CACNA2D3: variants seen among roughly 807,000 people sequenced by gnomAD.
CACNA2D3 encodes the protein calcium voltage-gated channel auxiliary subunit alpha2delta 3.
In CACNA2D3, 60 loss-of-function variants were observed where a neutral mutation model predicts 160.6. The observed-to-expected ratio is 0.37, with a 90% CI of 0.30 to 0.46. The LOEUF (loss-of-function observed/expected upper bound fraction) is 0.46. Among genes scored for constraint, CACNA2D3 ranks in the 20% least tolerant of loss-of-function variants. The pLI is 1.00. For synonymous variants in CACNA2D3, 558 were observed against 492.9 expected, an observed-to-expected ratio of 1.13 and a Z score of -1.75; for missense variants, 1,205 against 1,365.0, an observed-to-expected ratio of 0.88 and a Z score of 1.85.
At position 55,050,431 on chromosome 3, in the gene CACNA2D3, C is replaced by G. The variant is rs986607975; in HGVS notation, c.2988-23014C>G. 1.6e-3 allele frequency among the ~76,000 whole-genome samples: 239 copies of G among 151,136 alleles called. 2 individuals are homozygous for G. Among genetic ancestry groups the G allele is most frequent in the African/African-American group, 5.6e-3 (232 of 41,162 alleles). ...TTCTTTAAGAATGTTGAATATTGGC[C>G]CCCACTCTCTTCTGGCTTGTAGAGT... On this transcript the variant is annotated intron_variant, in intron 35 of 37. Transcript: ENST00000474759.
At chr3:55,046,212 T>G (rs1305830838) in intron 35 of CACNA2D3, among the ~76,000 whole-genome samples, 1 of 146,552 alleles carries the variant, frequency 6.8e-6, no homozygotes, top group Non-Finnish European at 1.5e-5. Context: ...TAACTCGTCA[T>G]CTAGCATTAG....
At chr3:54,630,806 A>T (rs1339280377) in intron 10 of CACNA2D3, among the ~76,000 whole-genome samples, 1 of 152,158 alleles carries the variant, frequency 6.6e-6, no homozygotes, top group East Asian at 1.9e-4. Context: ...AAAACCCTCC[A>T]TACCCCTGTA....
At chr3:54,234,494 A>G (rs1701837384) in intron 2 of CACNA2D3, among the ~76,000 whole-genome samples, 1 of 152,210 alleles carries the variant, frequency 6.6e-6, no homozygotes, top group African/African-American at 2.4e-5. Context: ...TGACCCAGCA[A>G]TCCCATTTAC....
At chr3:54,692,977 A>G (rs1475393247) in intron 11 of CACNA2D3, among the ~76,000 whole-genome samples, 1 of 152,074 alleles carries the variant, frequency 6.6e-6, no homozygotes, top group Non-Finnish European at 1.5e-5. Flanking sequence ...TGGGGATTTA[A>G]GAGTTGGATA....
At chr3:54,462,336 A>C (rs548381384) in intron 4 of CACNA2D3, among the ~76,000 whole-genome samples, 1 of 151,932 alleles carries the variant, frequency 6.6e-6, no homozygotes, top group East Asian at 1.9e-4. Context: ...TATCCTTGTT[A>C]ACTTTGTCTC....
intron 13 of CACNA2D3, among the ~76,000 whole-genome samples, chr3:54,797,229 T>A (rs557480963): frequency 4.9e-4 from 74 of 152,360 alleles, no homozygotes; most frequent in African/African-American, 1.6e-3. Flanking sequence ...CAGGGTTGTC[T>A]TTCTTCCCCT....
intron 26 of CACNA2D3, 37 bp from the exon 27 acceptor site, chr3:54,899,751 A>G (rs1235551225): frequency 7.1e-7 from 1 of 1,408,528 alleles, no homozygotes; most frequent in Non-Finnish European, 9.9e-7. Flanking sequence ...CACTGTAATT[A>G]TCTTCATTTT....
At chr3:54,804,828 G>T (rs1230658620) in intron 13 of CACNA2D3, among the ~76,000 whole-genome samples, 2 of 152,154 alleles carry the variant, frequency 1.3e-5, no homozygotes, top group African/African-American at 4.8e-5. Context: ...AAATGTAAAA[G>T]AACAGAAATT....
intron 9 of CACNA2D3, among the ~76,000 whole-genome samples, chr3:54,625,779 A>T (rs573848160): frequency 6.6e-6 from 1 of 152,274 alleles, no homozygotes; most frequent in African/African-American, 2.4e-5. Flanking sequence ...GGGGGCTCCT[A>T]CTGCTTCTGA....
At chr3:54,518,310 TA>T (rs1701587919) in intron 5 of CACNA2D3, among the ~76,000 whole-genome samples, 1 of 151,938 alleles carries the variant, frequency 6.6e-6, no homozygotes, top group African/African-American at 2.4e-5. Flanking sequence ...GGGGAGAAGC[TA>T]CCTGTGAGAA....
At chr3:54,505,686 A>G (rs988134353) in intron 5 of CACNA2D3, among the ~76,000 whole-genome samples, 4 of 152,250 alleles carry the variant, frequency 2.6e-5, no homozygotes, top group African/African-American at 9.6e-5. Context: ...ATGATTTTAC[A>G]GAGCAATTTC....
intron 5 of CACNA2D3, among the ~76,000 whole-genome samples, chr3:54,535,294 A>G (rs564241117): frequency 6.6e-4 from 100 of 152,366 alleles, no homozygotes; most frequent in African/African-American, 2.3e-3. Flanking sequence ...ATTCTGATGC[A>G]TTTTAAAATT....
chr3:55,072,930 G>C (rs962192408), intron 35 of CACNA2D3, among the ~76,000 whole-genome samples: 1 of 152,184 alleles, frequency 6.6e-6, no homozygotes, highest in Admixed American at 6.5e-5. Flanking sequence ...TCAAAACACT[G>C]TTCCTGTATA....
intron 2 of CACNA2D3, among the ~76,000 whole-genome samples, chr3:54,310,769 G>A (rs7637538): frequency 0.02 from 3,014 of 152,270 alleles, 46 homozygotes; most frequent in Admixed American, 0.054. Context: ...TCATTTGTGA[G>A]TATTTTACTC....
At chr3:54,983,753 G>A (rs1056229287) in intron 29 of CACNA2D3, among the ~76,000 whole-genome samples, 3 of 152,192 alleles carry the variant, frequency 2.0e-5, no homozygotes, top group East Asian at 1.9e-4. Flanking sequence ...GGAGCTAGGC[G>A]GAATTTAGCT....
At chr3:54,423,756 C>T (rs1393457392) in intron 4 of CACNA2D3, among the ~76,000 whole-genome samples, 1 of 152,152 alleles carries the variant, frequency 6.6e-6, no homozygotes, top group Non-Finnish European at 1.5e-5. Flanking sequence ...CAGCTTGATG[C>T]TTTTCTCTGA....
chr3:54,181,452 G>A (rs1700780558), intron 2 of CACNA2D3, among the ~76,000 whole-genome samples: 1 of 152,164 alleles, frequency 6.6e-6, no homozygotes. Flanking sequence ...ATAGGTATGG[G>A]TAGGCATAAC....
At chr3:54,576,788 A>C (rs947445399) in intron 8 of CACNA2D3, among the ~76,000 whole-genome samples, 1 of 152,130 alleles carries the variant, frequency 6.6e-6, no homozygotes, top group Non-Finnish European at 1.5e-5. Context: ...TAATCCTAGT[A>C]CTTGGGAGGC....
At chr3:54,286,355 G>C (rs1575369293) in intron 2 of CACNA2D3, among the ~76,000 whole-genome samples, 1 of 152,286 alleles carries the variant, frequency 6.6e-6, no homozygotes, top group East Asian at 1.9e-4. Context: ...TGAATGAAAT[G>C]AAGTGAGAAG....
Sources: gnomAD v4.1 joint callset for allele counts (sites outside exome capture counted in the v4.1 genomes callset) on GRCh38, gnomAD v4.1.1 for gene constraint, MANE v1.5 for transcripts, NCBI Gene and HGNC (gene_info 2026-07-23, HGNC 2026-07-21) for gene names.